The following PXDNL variants were observed in gnomAD, a reference collection of about 807,000 sequenced individuals.
The protein encoded by PXDNL is peroxidasin like.
A neutral mutation model predicts 150.8 loss-of-function variants in PXDNL; 145 were observed. The observed-to-expected ratio is 0.96, with a 90% CI of 0.84 to 1.10. The LOEUF is 1.10. Ranked by LOEUF, PXDNL falls within the 50% of genes least tolerant of loss-of-function variation. PXDNL has a pLI of 0.00. For missense variants in PXDNL, 2,087 were observed against 1,873.9 expected, an observed-to-expected ratio of 1.11 and a Z score of -2.10; for synonymous variants, 757 against 725.7, an observed-to-expected ratio of 1.04 and a Z score of -0.69.
chr8:51,798,333 C>T (rs984825197), intron 1 of PXDNL, among the ~76,000 whole-genome samples: 1 of 151,992 alleles, frequency 6.6e-6, no homozygotes, highest in African/African-American at 2.4e-5. Context: ...AATTGACTAA[C>T]GGAATCTAAT....
At chr8:51,350,354 C>CTT (rs1163628780) in intron 19 of PXDNL, among the ~76,000 whole-genome samples, 43,728 of 77,918 alleles carry the variant, frequency 0.56, 12,967 homozygotes, top group East Asian at 0.8. Flanking sequence ...AATGCAGCTT[C>CTT]TTTTTTTTTT....
intron 12 of PXDNL, among the ~76,000 whole-genome samples, chr8:51,438,664 G>T (rs918165592): frequency 1.3e-5 from 2 of 152,084 alleles, no homozygotes; most frequent in African/African-American, 4.8e-5. Context: ...GCAGTGAGCC[G>T]AGATTGTGCC....
chr8:51,371,815 A>T (rs910251683), intron 19 of PXDNL, 58 bp downstream of exon 19: 18 of 1,420,884 alleles, frequency 1.3e-5, no homozygotes, highest in Non-Finnish European at 1.8e-5. Flanking sequence ...ACTGAAAACA[A>T]TTCAAGCATG....
At position 51,408,869 on chromosome 8, in the gene PXDNL, G is replaced by A. The variant is rs1353889069; in HGVS notation, c.2755C>T (p.Leu919Phe). The A allele has an allele frequency of 3.1e-6, 5 of 1,592,862 alleles. No individual in the cohort carries two copies. In the African/African-American group the frequency reaches 5.4e-5, roughly 17 times the overall value. The change falls in exon 17 of 23, where the codon CTC becomes TTC. Residue 919 changes from leucine (L) to phenylalanine (F), a missense_variant. Coordinates refer to ENST00000356297, the MANE Select transcript of PXDNL (RefSeq NM_144651.5). ...GGCCAAGGAAAGCCTGTCTTCAGGA[G>A]ACCCCGAGGCACCGAAGGGTCTCTG... Reference protein sequence around the residue: ...ALRDPSVPRGLLKTGFPWPPS... With the variant: ...ALRDPSVPRGFLKTGFPWPPS...
intron 3 of PXDNL, among the ~76,000 whole-genome samples, chr8:51,576,751 T>C (rs1310764678): frequency 6.6e-6 from 1 of 151,356 alleles, no homozygotes; most frequent in Non-Finnish European, 1.5e-5. Context: ...ATTAATAAAA[T>C]TGAAAAACCT....
chr8:51,429,579 T>C (rs991536778), intron 12 of PXDNL, among the ~76,000 whole-genome samples: 1 of 150,714 alleles, frequency 6.6e-6, no homozygotes, highest in Non-Finnish European at 1.5e-5. Flanking sequence ...CAAAACAAAA[T>C]AAAGCAAAAA....
intron 19 of PXDNL, 147 bp downstream of exon 19, chr8:51,371,726 C>A: frequency 1.4e-6 from 1 of 721,450 alleles, no homozygotes. Flanking sequence ...ACCCCTTCAT[C>A]ATCTGTCAGA....
At chr8:51,387,757 C>A (rs1807764775) in intron 17 of PXDNL, among the ~76,000 whole-genome samples, 1 of 152,020 alleles carries the variant, frequency 6.6e-6, no homozygotes, top group African/African-American at 2.4e-5. Context: ...TTTATTTTCA[C>A]CTTAAATATG....
intron 4 of PXDNL, among the ~76,000 whole-genome samples, chr8:51,542,314 C>T (rs1227253804): frequency 2.6e-5 from 4 of 152,100 alleles, no homozygotes; most frequent in Non-Finnish European, 4.4e-5. Context: ...ATAATTTTGT[C>T]TCAGCATAGA....
chr8:51,509,916 C>T (rs1008125940), intron 4 of PXDNL, among the ~76,000 whole-genome samples: 1 of 151,772 alleles, frequency 6.6e-6, no homozygotes, highest in Admixed American at 6.6e-5. Context: ...GCCTTCCCTG[C>T]TAGAATGTTA....
chr8:51,754,801 C>T (rs1477195126), intron 1 of PXDNL, among the ~76,000 whole-genome samples: 2 of 152,062 alleles, frequency 1.3e-5, no homozygotes, highest in Non-Finnish European at 2.9e-5. Flanking sequence ...CTGCGCCCGG[C>T]CAAAAGTCAA....
intron 1 of PXDNL, among the ~76,000 whole-genome samples, chr8:51,661,444 T>C (rs1345995607): frequency 6.6e-6 from 1 of 152,224 alleles, no homozygotes; most frequent in East Asian, 1.9e-4. Flanking sequence ...TCAGTGGGCT[T>C]TGAGTAAAGC....
chr8:51,683,164 CATATATATATATAT>C lies in PXDNL; in HGVS notation c.165-28418_165-28405del, dbSNP rs71237228. Among the ~76,000 whole-genome samples the C allele has an allele frequency of 5.1e-3, 226 of 44,462 alleles. 6 individuals carry two copies. The East Asian group carries it at 0.067, about 13-fold the overall frequency. The allele number at this position is 44,462 out of a possible 152,430, so 29.2% of individuals were successfully genotyped here. A position where few individuals can be genotyped will look rare whatever the true frequency, so the allele number is the denominator to read the frequency against. Reference sequence around the variant, plus strand: ...ATCCTTACTAACACCAATTGTCTTTCATATATATATATATATATATATATATATATATATATGCC... The same window carrying C: ...ATCCTTACTAACACCAATTGTCTTTCATATATATATATATATATATATGCC... On this transcript the variant is annotated intron_variant, in intron 1 of 22. Coordinates refer to ENST00000356297, the MANE Select transcript of PXDNL (RefSeq NM_144651.5).
At chr8:51,767,634 G>A (rs904208676) in intron 1 of PXDNL, among the ~76,000 whole-genome samples, 1 of 151,946 alleles carries the variant, frequency 6.6e-6, no homozygotes, top group Non-Finnish European at 1.5e-5. Context: ...GGGCCTCAAA[G>A]GTCACCTACA....
intron 10 of PXDNL, among the ~76,000 whole-genome samples, chr8:51,453,201 C>G (rs1450624183): frequency 1.3e-5 from 2 of 152,190 alleles, no homozygotes; most frequent in Non-Finnish European, 2.9e-5. Context: ...TTTTCACTTT[C>G]ATATCTGTAC....
At chr8:51,510,347 A>T (rs1811386252) in intron 4 of PXDNL, among the ~76,000 whole-genome samples, 1 of 152,192 alleles carries the variant, frequency 6.6e-6, no homozygotes, top group African/African-American at 2.4e-5. Context: ...CTTACCAAAC[A>T]TGAGTTTCTG....
At chr8:51,397,661 G>A (rs920604432) in intron 17 of PXDNL, among the ~76,000 whole-genome samples, 13 of 152,096 alleles carry the variant, frequency 8.5e-5, no homozygotes, top group Admixed American at 3.9e-4. Context: ...CTCTGCAGGG[G>A]TAACAATATT....
At chr8:51,421,727 C>A (rs1450339784) in intron 14 of PXDNL, among the ~76,000 whole-genome samples, 1 of 152,090 alleles carries the variant, frequency 6.6e-6, no homozygotes, top group Non-Finnish European at 1.5e-5. Flanking sequence ...TTTTAAACAA[C>A]CTCTGACATT....
intron 12 of PXDNL, among the ~76,000 whole-genome samples, chr8:51,438,748 A>T (rs1229335867): frequency 6.6e-6 from 1 of 152,210 alleles, no homozygotes; most frequent in Non-Finnish European, 1.5e-5. Flanking sequence ...GGAACAGAAT[A>T]GAGAACCCAG....
Sources: gnomAD v4.1 joint callset for allele counts (sites outside exome capture counted in the v4.1 genomes callset) on GRCh38, gnomAD v4.1.1 for gene constraint, MANE v1.5 for transcripts, NCBI Gene and HGNC (gene_info 2026-07-23, HGNC 2026-07-21) for gene names.